LTV1: variants seen among roughly 807,000 people sequenced by gnomAD.
The protein encoded by LTV1 is LTV1 ribosome biogenesis factor.
LTV1 carries 39 observed loss-of-function variants against 59.9 expected under a neutral mutation model. The ratio of observed to expected loss-of-function variants is 0.65; its 90% CI spans 0.50 to 0.85. The LOEUF (loss-of-function observed/expected upper bound fraction) is 0.85, where lower values mean the gene tolerates loss of function less well. Ranked by LOEUF, LTV1 falls within the 40% of genes least tolerant of loss-of-function variation. The probability of loss-of-function intolerance (pLI) is 0.00; values close to 1 mark genes in which losing one functional copy is unlikely to be tolerated. For missense variants in LTV1, 493 were observed against 549.1 expected (o/e 0.90, Z 1.02); for synonymous variants, 171 against 189.5 (o/e 0.90, Z 0.80).
Position 143,857,940 on chromosome 6 carries a change from A to C in LTV1, c.728A>C (p.Tyr243Ser), listed in dbSNP as rs1777106441. The C allele has an allele frequency of 6.2e-7, 1 of 1,614,046 alleles. No homozygotes were observed. Among genetic ancestry groups the C allele is most frequent in the South Asian group, 1.1e-5 (1 of 91,088 alleles). Residue 243 changes from tyrosine (Y) to serine (S), a missense_variant, in exon 6 of 11, where the codon TAT (tyrosine) becomes TCT (serine). Coordinates refer to ENST00000367576, the MANE Select transcript of LTV1 (RefSeq NM_032860.5). The surrounding 1 kb of genome is among the most constrained non-coding windows in gnomAD (Gnocchi z 5.2). ...GAAACAAAGAGTCGCTTCACGGAGT[A>C]TTCGATGACTTCCTCAGTCATGAGG... Reference protein sequence around the residue: ...SEETKSRFTEYSMTSSVMRRN... With the variant: ...SEETKSRFTESSMTSSVMRRN...
Position 143,863,281 on chromosome 6 carries a change from C to G in LTV1, c.1312C>G (p.Arg438Gly), listed in dbSNP as rs200993633. Residue 438 changes from arginine to glycine, a missense_variant, in exon 10 of 11, where the codon CGC (arginine) becomes GGC (glycine). Arg to Gly is a moderately radical substitution (Grantham distance 125). Coordinates refer to ENST00000367576, the MANE Select transcript of LTV1 (RefSeq NM_032860.5). The surrounding 1 kb of genome is among the most constrained non-coding windows in gnomAD (Gnocchi z 4.5). Reference sequence around the variant, plus strand: ...AAGAAAGCAAGCTATAAAAGAAGAGCGCAAGGTAAAATATATTTTTCAAAT... The same window carrying G: ...AAGAAAGCAAGCTATAAAAGAAGAGGGCAAGGTAAAATATATTTTTCAAAT... Reference protein sequence around the residue: ...RARKQAIKEERKERRVEKKAN... With the variant: ...RARKQAIKEEGKERRVEKKAN... The G allele has an allele frequency of 1.2e-6, 2 of 1,612,440 alleles. No individual in the cohort carries two copies. The highest frequency in any genetic ancestry group is 2.7e-5 in the African/African-American group (2 of 74,722).
In LTV1 at chr6:143,857,223, A is replaced by G; in HGVS notation, c.398-80A>G. ...AATATATTAATAGACTCTTGCTATC[A>G]TAGGTCCTTATATTGTGAGTTAAGT... On this transcript the variant is annotated intron_variant, in intron 4 of 10. Transcript: ENST00000367576. This position sits in a 1 kb window ranked among gnomAD's most constrained non-coding sequence, Gnocchi z 5.2. 2.0e-6 allele frequency: 3 copies of G among 1,525,210 alleles called. No homozygotes were observed. The highest frequency in any genetic ancestry group is 1.8e-6 in the Non-Finnish European group (2 of 1,112,236). 94.5% of individuals were successfully genotyped at this position (1,525,210 alleles called of 1,614,324 possible). A position where few individuals can be genotyped will look rare whatever the true frequency, so the allele number is the denominator to read the frequency against.
chr6:143,847,109 G>T (rs75678580), intron 3 of LTV1, among the ~76,000 whole-genome samples: 1 of 152,174 alleles, frequency 6.6e-6, no homozygotes, highest in Non-Finnish European at 1.5e-5. Flanking sequence ...GCAGCTGCTC[G>T]TTCACTAAGT....
chr6:143,852,191 C>T (rs947314481), intron 4 of LTV1, among the ~76,000 whole-genome samples: 2 of 152,218 alleles, frequency 1.3e-5, no homozygotes, highest in East Asian at 3.8e-4. Flanking sequence ...CTCCCAACAA[C>T]AACATAAAAG....
In LTV1 at chr6:143,863,514, G is replaced by A. The variant is rs745494713; in HGVS notation, c.1415G>A (p.Gly472Asp). ...CTGAACTTGAAGAAGAATGTTGAGG[G>A]TCTAAAGCTATAGACAGTGGAGCAT... ...ELLNLKKNVE[G>D]LKL The change falls in exon 11 of 11, where the codon GGT becomes GAT. Residue 472 changes from glycine (G) to aspartate (D), a missense_variant. Transcript: ENST00000367576. The surrounding 1 kb of genome is among the most constrained non-coding windows in gnomAD (Gnocchi z 4.5). 6.2e-7 allele frequency: 1 copy of A among 1,612,540 alleles called. No individual in the cohort carries two copies. Among genetic ancestry groups the A allele is most frequent in the Non-Finnish European group, 8.5e-7 (1 of 1,179,086 alleles).
At chr6:143,858,465 AT>A (rs1777114485) in intron 6 of LTV1, 2 of 166,634 alleles carry the variant, frequency 1.2e-5, no homozygotes, top group East Asian at 3.1e-4. Context: ...CTTCTTTATT[AT>A]GTATGTCATA....
At chr6:143,851,058 G>C (rs1776974258) in intron 4 of LTV1, among the ~76,000 whole-genome samples, 1 of 152,088 alleles carries the variant, frequency 6.6e-6, no homozygotes, top group South Asian at 2.1e-4. Flanking sequence ...GGATGTTCCA[G>C]ACAGAGGACT....
chr6:143,856,318 CT>C (rs1434087146), intron 4 of LTV1, among the ~76,000 whole-genome samples: 1 of 152,164 alleles, frequency 6.6e-6, no homozygotes, highest in East Asian at 1.9e-4. Context: ...ACTGGTAATT[CT>C]AGTTAGCAAT....
chr6:143,860,371 A>G (rs1777141976), intron 6 of LTV1, 55 bp from the exon 7 acceptor site: 3 of 1,536,874 alleles, frequency 2.0e-6, no homozygotes, highest in Middle Eastern at 1.7e-4. Context: ...TTAAGTGTGT[A>G]GTCTTACTGA....
In LTV1 at chr6:143,863,364, T is replaced by G; in HGVS notation, c.1318-53T>G. The G allele has an allele frequency of 6.3e-7, 1 of 1,594,566 alleles. No individual in the cohort carries two copies. Among genetic ancestry groups the G allele is most frequent in the Non-Finnish European group, 8.6e-7 (1 of 1,164,218 alleles). ...TTAGGGGAATTTTGTAAAAGCAGTC[T>G]GTATCAGTTTAAAGATGTGAATAAT... is the stretch of plus-strand genomic sequence containing the variant. On this transcript the variant is annotated intron_variant, in intron 10 of 10. Transcript: ENST00000367576. The surrounding 1 kb of genome is among the most constrained non-coding windows in gnomAD (Gnocchi z 4.5).
chr6:143,854,336 CTCTTT>C (rs1332202123), intron 4 of LTV1, among the ~76,000 whole-genome samples: 7 of 152,072 alleles, frequency 4.6e-5, no homozygotes, highest in African/African-American at 9.7e-5. Flanking sequence ...TGATTCTTCT[CTCTTT>C]TCTTCTTTAT....
At chr6:143,850,329 G>A in intron 4 of LTV1, 111 bp downstream of exon 4, 1 of 742,984 alleles carries the variant, frequency 1.3e-6, no homozygotes, top group South Asian at 1.8e-5. Context: ...ATTGAGATAT[G>A]TCTGGAATTC....
chr6:143,844,672 CTT>C (rs35521359), intron 2 of LTV1, 55 bp downstream of exon 2: 12,042 of 1,243,568 alleles, frequency 9.7e-3, no homozygotes, highest in East Asian at 0.033. Flanking sequence ...TTTTTTTTTT[CTT>C]TTTTTTTTTT....
intron 2 of LTV1, among the ~76,000 whole-genome samples, chr6:143,844,952 T>C (rs1213029470): frequency 6.6e-6 from 1 of 152,226 alleles, no homozygotes; most frequent in African/African-American, 2.4e-5. Flanking sequence ...AGATCTTTAT[T>C]TGAGATGTTT....
chr6:143,849,158 A>C (rs1484010540), intron 3 of LTV1, among the ~76,000 whole-genome samples: 1 of 152,192 alleles, frequency 6.6e-6, no homozygotes, highest in Non-Finnish European at 1.5e-5. Flanking sequence ...TAGCTATATG[A>C]GCGGTTGCAG....
rs774769929 is a variant in LTV1 at position 143,860,378 on chromosome 6, C to T, written c.796-48C>T. On this transcript the variant is annotated intron_variant, in intron 6 of 10. Coordinates refer to ENST00000367576, the MANE Select transcript of LTV1 (RefSeq NM_032860.5). ...AAAAATTTTTAAGTGTGTAGTCTTA[C>T]TGAGTACATTTGCTTTTCATGGTAT... The T allele has an allele frequency of 1.9e-6, 3 of 1,582,284 alleles. No homozygotes were observed. The African/African-American group carries it at 4.1e-5, about 21-fold the overall frequency.
chr6:143,845,020 C>G (rs140213656), intron 2 of LTV1, among the ~76,000 whole-genome samples: 1 of 152,098 alleles, frequency 6.6e-6, no homozygotes, highest in Admixed American at 6.6e-5. Context: ...AGCTACAATG[C>G]GGCATGATGT....
Position 143,857,936 on chromosome 6 carries a change from G to A in LTV1, c.724G>A (p.Glu242Lys). The change falls in exon 6 of 11, where the codon GAG becomes AAG. Residue 242 changes from glutamate to lysine, a missense_variant. By Grantham distance (56) the Glu-to-Lys change is moderately conservative (BLOSUM62 1). Coordinates refer to ENST00000367576, the MANE Select transcript of LTV1 (RefSeq NM_032860.5). This position sits in a 1 kb window ranked among gnomAD's most constrained non-coding sequence, Gnocchi z 5.2. Reference sequence around the variant, plus strand: ...TGAGGAAACAAAGAGTCGCTTCACGGAGTATTCGATGACTTCCTCAGTCAT... The same window carrying A: ...TGAGGAAACAAAGAGTCGCTTCACGAAGTATTCGATGACTTCCTCAGTCAT... ...WSEETKSRFT[E>K]YSMTSSVMRR... 1 of 1,614,144 alleles carries A rather than the reference G, an allele frequency of 6.2e-7. No individual in the cohort carries two copies. The highest frequency in any genetic ancestry group is 8.5e-7 in the Non-Finnish European group (1 of 1,180,026).
Position 143,863,327 on chromosome 6 carries a change from G to T in LTV1, c.1317+41G>T. The T allele has an allele frequency of 6.2e-7, 1 of 1,604,022 alleles. No homozygotes were observed. The highest frequency in any genetic ancestry group is 1.1e-5 in the South Asian group (1 of 90,236). On this transcript the variant is annotated intron_variant, in intron 10 of 10. Coordinates refer to ENST00000367576, the MANE Select transcript of LTV1 (RefSeq NM_032860.5). The surrounding 1 kb of genome is among the most constrained non-coding windows in gnomAD (Gnocchi z 4.5). ...CAAATGTGAGATTTACAAAGAGCTG[G>T]TGGAGGGGAAATTAGGGGAATTTTG...
Sources: gnomAD v4.1 joint callset for allele counts (sites outside exome capture counted in the v4.1 genomes callset) on GRCh38, gnomAD v4.1.1 for gene constraint, Gnocchi (gnomAD v3.1) non-coding constraint, MANE v1.5 for transcripts, NCBI Gene and HGNC (gene_info 2026-07-23, HGNC 2026-07-21) for gene names.